Variants in EFCAB8 observed in about 807,000 individuals in gnomAD.
EFCAB8 encodes EF-hand calcium binding domain 8, also known as EF-hand calcium-binding domain-containing protein 8.
EFCAB8 carries 100 observed loss-of-function variants against 116.3 expected under a neutral mutation model. The ratio of observed to expected loss-of-function variants is 0.86; its 90% CI spans 0.73 to 1.02. The LOEUF is 1.02. Among genes scored for constraint, EFCAB8 ranks in the 50% least tolerant of loss-of-function variants. The pLI is 0.00. For missense variants in EFCAB8, 1,320 were observed against 1,416.9 expected, an observed-to-expected ratio of 0.93 and a Z score of 1.10; for synonymous variants, 558 against 567.9, an observed-to-expected ratio of 0.98 and a Z score of 0.25.
At chr20:32,958,380 G>T (rs1460138526) in intron 23 of EFCAB8, 41 bp from the exon 24 acceptor site, 11 of 416,400 alleles carry the variant, frequency 2.6e-5, no homozygotes, top group Non-Finnish European at 4.4e-5. Flanking sequence ...GGAGGAGGGG[G>T]TATGCCAGTT....
chr20:32,875,817 G>A, intron 3 of EFCAB8, 109 bp from the exon 4 acceptor site: 1 of 931,824 alleles, frequency 1.1e-6, no homozygotes, highest in Non-Finnish European at 1.6e-6. Context: ...CCGTAGATGT[G>A]GTCTTCAGTG....
intron 3 of EFCAB8, among the ~76,000 whole-genome samples, chr20:32,875,715 A>T (rs1439013805): frequency 1.3e-5 from 2 of 151,402 alleles, no homozygotes; most frequent in Admixed American, 1.3e-4. Flanking sequence ...CACCATGTGG[A>T]TCAGGCTGGT....
intron 5 of EFCAB8, among the ~76,000 whole-genome samples, chr20:32,882,836 C>T (rs1171025610): frequency 2.6e-5 from 4 of 152,152 alleles, no homozygotes; most frequent in African/African-American, 7.2e-5. Context: ...GCTGGGACTA[C>T]AGGCGCCCAC....
chr20:32,943,653 C>T lies in EFCAB8; in HGVS notation c.2808C>T (p.Thr936=), dbSNP rs531580945. 2.4e-6 allele frequency: 1 copy of T among 416,950 alleles called. No homozygotes were observed. Among genetic ancestry groups the T allele is most frequent in the Non-Finnish European group, 4.4e-6 (1 of 226,598 alleles). 25.8% of individuals were successfully genotyped at this position (416,950 alleles called of 1,614,324 possible). A position where few individuals can be genotyped will look rare whatever the true frequency, so the allele number is the denominator to read the frequency against. Residue 936 remains threonine (T), a synonymous_variant, in exon 23 of 27, where the codon ACC becomes ACT. Transcript: ENST00000400522. The part of the protein sequence containing the change: ...LEDKEVVAGH[T]ISLVPPTLLM... Reference sequence around the variant, plus strand: ...CCCTATAGGTTGTGGCTGGCCATACCATTTCCCTGGTTCCCCCCACGCTCC... The same window carrying T: ...CCCTATAGGTTGTGGCTGGCCATACTATTTCCCTGGTTCCCCCCACGCTCC...
chr20:32,934,318 GTA>G (rs1171565106), intron 22 of EFCAB8, among the ~76,000 whole-genome samples: 2 of 151,828 alleles, frequency 1.3e-5, no homozygotes, highest in Admixed American at 6.6e-5. Flanking sequence ...ATTCCATTAT[GTA>G]TATACACCAC....
At chr20:32,959,122 C>T (rs1177986681) in intron 24 of EFCAB8, among the ~76,000 whole-genome samples, 1 of 152,208 alleles carries the variant, frequency 6.6e-6, no homozygotes, top group African/African-American at 2.4e-5. Flanking sequence ...ACTGCCAGAC[C>T]TTGTGCTAGG....
At chr20:32,892,076 C>A in intron 7 of EFCAB8, 137 bp from the exon 8 acceptor site, 1 of 727,684 alleles carries the variant, frequency 1.4e-6, no homozygotes, top group Non-Finnish European at 2.3e-6. Context: ...CTGTGAACAG[C>A]TGTCTGTGGT....
intron 15 of EFCAB8, among the ~76,000 whole-genome samples, chr20:32,910,968 C>T (rs1024945446): frequency 4.6e-5 from 7 of 152,052 alleles, no homozygotes; most frequent in Non-Finnish European, 7.4e-5. Context: ...AAACTTCTGA[C>T]CTCAAGTGAT....
chr20:32,921,330 C>CTA (rs1230071772), intron 20 of EFCAB8, among the ~76,000 whole-genome samples: 1 of 150,924 alleles, frequency 6.6e-6, no homozygotes, highest in Non-Finnish European at 1.5e-5. Flanking sequence ...GTAGCTGGGG[C>CTA]TATAGGCATG....
Position 32,893,282 on chromosome 20 carries a change from C to T in EFCAB8, c.867C>T (p.Pro289=). The change falls in exon 9 of 27, where the codon CCC becomes CCT. Residue 289 remains proline (P), a synonymous_variant. Coordinates refer to ENST00000400522, the MANE Select transcript of EFCAB8 (RefSeq NM_001143967.2). ...GGCTGTTCAACCCCCGTATCCTCCC[C>T]AGGGCCTCCAAGTGGGGTAGCTAAG... The part of the protein sequence containing the change: ...TSGLFNPRIL[P]RASKWDHWIK... 6.4e-7 allele frequency: 1 copy of T among 1,551,860 alleles called. No homozygotes were observed. Among genetic ancestry groups the T allele is most frequent in the East Asian group, 2.4e-5 (1 of 40,908 alleles).
intron 20 of EFCAB8, among the ~76,000 whole-genome samples, chr20:32,930,193 A>G (rs1045460355): frequency 1.8e-4 from 27 of 152,190 alleles, no homozygotes; most frequent in Non-Finnish European, 4.0e-4. Flanking sequence ...AAAAGACGCA[A>G]AATCCCTGCC....
chr20:32,917,350 C>A lies in EFCAB8; in HGVS notation c.1906C>A (p.His636Asn). ...CTTGTGCTACCACTGGCAGACCTAC[C>A]ACACGGAGGACATCCTGAGCATGGC... Reference protein sequence around the residue: ...VLLCYHWQTYHTEDILSMAKY... With the variant: ...VLLCYHWQTYNTEDILSMAKY... Residue 636 changes from histidine (H) to asparagine (N), a missense_variant, in exon 18 of 27, where the codon CAC (histidine) becomes AAC (asparagine). Physicochemically the swap from His to Asn is moderately conservative, Grantham distance 68 (BLOSUM62 1). Transcript: ENST00000400522. 6.4e-7 allele frequency: 1 copy of A among 1,551,748 alleles called. No individual in the cohort carries two copies. Among genetic ancestry groups the A allele is most frequent in the Non-Finnish European group, 8.7e-7 (1 of 1,147,014 alleles).
At chr20:32,879,095 G>T (rs1985172685) in intron 5 of EFCAB8, among the ~76,000 whole-genome samples, 1 of 152,182 alleles carries the variant, frequency 6.6e-6, no homozygotes, top group South Asian at 2.1e-4. Flanking sequence ...GCTGTGTTTG[G>T]CCCTCTCAGC....
Position 32,878,729 on chromosome 20 carries a change from G to A in EFCAB8, c.353G>A (p.Arg118His), listed in dbSNP as rs1183957300. The change falls in exon 5 of 27, where the codon CGT becomes CAT. Residue 118 changes from arginine (R) to histidine (H), a missense_variant. Physicochemically the swap from Arg to His is conservative, Grantham distance 29. Transcript: ENST00000400522. ...CAAAAGTATGTGGATTACATGATGC[G>A]TGAGTTCCAGGGAAAAGAGGACATG... ...TWQKYVDYMMREFQGKEDMRK... is the reference protein window; with the variant it reads ...TWQKYVDYMMHEFQGKEDMRK... 13 of 1,551,742 alleles carry A rather than the reference G, an allele frequency of 8.4e-6. No individual in the cohort carries two copies. The highest frequency in any genetic ancestry group is 2.4e-5 in the East Asian group (1 of 40,920).
chr20:32,918,626 G>C, intron 19 of EFCAB8, 52 bp downstream of exon 19: 1 of 1,505,824 alleles, frequency 6.6e-7, no homozygotes, highest in South Asian at 1.2e-5. Flanking sequence ...AGCCGCCGGC[G>C]TTCACACACC....
intron 2 of EFCAB8, among the ~76,000 whole-genome samples, chr20:32,864,514 C>T (rs533864313): frequency 2.6e-5 from 4 of 152,098 alleles, no homozygotes; most frequent in South Asian, 2.1e-4. Context: ...CCTGGGATGT[C>T]GAGGCTACAG....
intron 10 of EFCAB8, chr20:32,898,245 C>T (rs6088033): frequency 0.64 from 268,940 of 418,598 alleles, 89,992 homozygotes; most frequent in Middle Eastern, 0.74. Flanking sequence ...TCCTCTAACT[C>T]ACAAGATTTC....
At chr20:32,885,398 C>T (rs1281107322) in intron 5 of EFCAB8, 107 bp from the exon 6 acceptor site, 2 of 1,451,214 alleles carry the variant, frequency 1.4e-6, no homozygotes, top group Non-Finnish European at 9.3e-7. Context: ...GCGTGACGCT[C>T]CGCCGGCTTT....
chr20:32,952,269 A>G (rs193162563), intron 23 of EFCAB8, among the ~76,000 whole-genome samples: 254 of 152,284 alleles, frequency 1.7e-3, no homozygotes, highest in African/African-American at 5.8e-3. Flanking sequence ...TGTCTCAAAA[A>G]AAGAAAAAAA....
Sources: gnomAD v4.1 joint callset for allele counts (sites outside exome capture counted in the v4.1 genomes callset) on GRCh38, gnomAD v4.1.1 for gene constraint, MANE v1.5 for transcripts, NCBI Gene and HGNC (gene_info 2026-07-23, HGNC 2026-07-21) for gene names.